Variants in TAF2 observed in about 807,000 individuals in gnomAD.
The protein encoded by TAF2 is TATA-box binding protein associated factor 2.
A neutral mutation model predicts 138.5 loss-of-function variants in TAF2; 61 were observed. The ratio of observed to expected loss-of-function variants is 0.44; its 90% CI spans 0.36 to 0.54. TAF2 has a LOEUF of 0.54. Among genes scored for constraint, TAF2 ranks in the 20% least tolerant of loss-of-function variants. The pLI, the probability that TAF2 is intolerant of heterozygous loss-of-function variation, is 0.00. For missense variants in TAF2, 1,090 were observed against 1,427.9 expected (o/e 0.76, Z 3.81); for synonymous variants, 475 against 469.9 (o/e 1.01, Z -0.14).
At chr8:119,768,764 C>A (rs1022648747) in intron 18 of TAF2, among the ~76,000 whole-genome samples, 1 of 152,230 alleles carries the variant, frequency 6.6e-6, no homozygotes. Context: ...CCCTCTCCCT[C>A]TCTGCTTCAA....
chr8:119,824,428 CAA>C (rs71304910), intron 2 of TAF2, among the ~76,000 whole-genome samples: 227 of 125,590 alleles, frequency 1.8e-3, no homozygotes, highest in Middle Eastern at 3.6e-3. Flanking sequence ...GACTCCGTCT[CAA>C]AAAAAAAAAA....
At chr8:119,741,275 G>A (rs890937602) in intron 25 of TAF2, among the ~76,000 whole-genome samples, 2 of 152,144 alleles carry the variant, frequency 1.3e-5, no homozygotes, top group African/African-American at 4.8e-5. Context: ...TAATTGATTA[G>A]ACTCTCGGAA....
intron 2 of TAF2, among the ~76,000 whole-genome samples, chr8:119,823,795 C>T (rs1176719393): frequency 6.6e-6 from 1 of 152,174 alleles, no homozygotes; most frequent in African/African-American, 2.4e-5. Context: ...AAGTTTGGAA[C>T]TTCCTATAGA....
chr8:119,807,240 C>T (rs1016857506), intron 3 of TAF2, among the ~76,000 whole-genome samples: 2 of 152,300 alleles, frequency 1.3e-5, no homozygotes, highest in Admixed American at 6.5e-5. Flanking sequence ...GTTATATTCA[C>T]TATGTCAGGA....
intron 22 of TAF2, among the ~76,000 whole-genome samples, chr8:119,753,360 T>A (rs78714137): frequency 6.6e-6 from 1 of 152,194 alleles, no homozygotes; most frequent in Admixed American, 6.5e-5. Flanking sequence ...TAGATCAGAT[T>A]CATTCATTTA....
chr8:119,736,194 C>T (rs1819213278), intron 25 of TAF2, among the ~76,000 whole-genome samples: 1 of 152,128 alleles, frequency 6.6e-6, no homozygotes, highest in Non-Finnish European at 1.5e-5. Context: ...AAAGTGAATC[C>T]AATTTTTTGT....
chr8:119,827,671 G>A (rs1826187260), intron 2 of TAF2, among the ~76,000 whole-genome samples: 1 of 151,886 alleles, frequency 6.6e-6, no homozygotes, highest in Admixed American at 6.6e-5. Context: ...ACAGAACTGG[G>A]AACCAAGGGG....
At chr8:119,758,567 T>C (rs1166564261) in intron 20 of TAF2, among the ~76,000 whole-genome samples, 13 of 152,164 alleles carry the variant, frequency 8.5e-5, no homozygotes, top group Admixed American at 8.5e-4. Context: ...CCACTGTTTT[T>C]GCCCAAGTGG....
intron 1 of TAF2, among the ~76,000 whole-genome samples, chr8:119,832,094 G>C (rs768854905): frequency 6.6e-6 from 1 of 152,144 alleles, no homozygotes; most frequent in South Asian, 2.1e-4. Flanking sequence ...GGCAGGTGGA[G>C]GCTGCAGTGA....
intron 2 of TAF2, among the ~76,000 whole-genome samples, chr8:119,829,432 T>C (rs929847442): frequency 1.3e-5 from 2 of 152,140 alleles, no homozygotes; most frequent in Non-Finnish European, 2.9e-5. Context: ...TGTTCCTCAC[T>C]GTTGATAGCT....
At chr8:119,749,234 C>T (rs916656256) in intron 22 of TAF2, among the ~76,000 whole-genome samples, 1 of 152,104 alleles carries the variant, frequency 6.6e-6, no homozygotes, top group Non-Finnish European at 1.5e-5. Flanking sequence ...CTGAAGCCCT[C>T]GAATATGATT....
intron 3 of TAF2, among the ~76,000 whole-genome samples, chr8:119,810,941 G>A (rs9650078): frequency 0.14 from 20,582 of 152,046 alleles, 1,582 homozygotes; most frequent in Middle Eastern, 0.34. Flanking sequence ...CAATCAACTG[G>A]GAAGCCAGTC....
At chr8:119,782,080 T>A (rs1326233434) in intron 16 of TAF2, among the ~76,000 whole-genome samples, 1 of 152,218 alleles carries the variant, frequency 6.6e-6, no homozygotes, top group Non-Finnish European at 1.5e-5. Context: ...TGCAAAAGAC[T>A]TATATTTTGA....
chr8:119,783,649 A>G lies in TAF2; in HGVS notation c.1860-16T>C, dbSNP rs1459937193. On this transcript the variant is annotated splice_polypyrimidine_tract_variant and intron_variant, in intron 15 of 25. Coordinates refer to ENST00000378164, the MANE Select transcript of TAF2 (RefSeq NM_003184.4). ...GGAATCAGCACTGCAAGAAAATACA[A>G]TTTTCTTTTTAATTTAATTTTTAAA... 3 of 1,608,898 alleles carry G rather than the reference A, an allele frequency of 1.9e-6. No individual in the cohort carries two copies. The highest frequency in any genetic ancestry group is 3.3e-5 in the Admixed American group (2 of 59,906).
intron 11 of TAF2, among the ~76,000 whole-genome samples, chr8:119,790,609 T>C (rs1433574952): frequency 2.0e-5 from 3 of 152,202 alleles, no homozygotes; most frequent in Non-Finnish European, 4.4e-5. Flanking sequence ...TCGCAACTAC[T>C]AAATCACAAC....
chr8:119,782,104 A>G (rs1457659208), intron 16 of TAF2, among the ~76,000 whole-genome samples: 1 of 152,230 alleles, frequency 6.6e-6, no homozygotes, highest in Non-Finnish European at 1.5e-5. Context: ...GTCTGTCTTT[A>G]TTCGTTTAGA....
chr8:119,805,045 C>A (rs1028385372), intron 4 of TAF2, among the ~76,000 whole-genome samples: 14 of 152,194 alleles, frequency 9.2e-5, no homozygotes, highest in African/African-American at 3.1e-4. Flanking sequence ...CCGTCCCCAG[C>A]ACCCACAACG....
intron 21 of TAF2, among the ~76,000 whole-genome samples, chr8:119,756,337 T>C (rs773292202): frequency 5.9e-5 from 9 of 152,120 alleles, no homozygotes; most frequent in Non-Finnish European, 1.3e-4. Flanking sequence ...ACTCTGGGGT[T>C]TGGGTAAGAG....
rs1824429067 is a variant in TAF2 at position 119,803,775 on chromosome 8, A to G, written c.560+103T>C. The G allele has an allele frequency of 4.4e-6, 5 of 1,144,856 alleles. No homozygotes were observed. In the East Asian group the frequency reaches 1.3e-4, roughly 29 times the overall value. 70.9% of individuals were successfully genotyped at this position (1,144,856 alleles called of 1,614,324 possible). ...TGAAAGAAGTCTAAATTTGGAAGGG[A>G]ATAAAACTAGTATTTCTTGTTTTAC... On this transcript the variant is annotated intron_variant, in intron 5 of 25. Coordinates refer to ENST00000378164, the MANE Select transcript of TAF2 (RefSeq NM_003184.4).
Sources: allele counts gnomAD v4.1 joint callset (sites outside exome capture counted in the v4.1 genomes callset), GRCh38; gene constraint gnomAD v4.1.1; transcripts MANE v1.5; gene names NCBI Gene and HGNC (gene_info 2026-07-23, HGNC 2026-07-21).